Variants in LARP1B observed in about 807,000 individuals in gnomAD.
LARP1B encodes La ribonucleoprotein 1B.
Under a neutral mutation model 114.2 loss-of-function variants are expected in LARP1B, and 76 were observed. That is an observed-to-expected ratio of 0.67 (90% CI 0.55 to 0.81). The LOEUF (loss-of-function observed/expected upper bound fraction) is 0.81. LARP1B is among the 30% of genes least tolerant of loss of function. The pLI is 0.00. For missense variants in LARP1B, 1,014 were observed against 1,075.8 expected (o/e 0.94, Z 0.80); for synonymous variants, 345 against 348.0 (o/e 0.99, Z 0.10).
intron 17 of LARP1B, among the ~76,000 whole-genome samples, chr4:128,203,604 C>T (rs1285376359): frequency 6.6e-6 from 1 of 152,022 alleles, no homozygotes; most frequent in East Asian, 1.9e-4. Context: ...GAACACCTGA[C>T]CTCAAGTGAT....
At chr4:128,118,306 C>A (rs2149960749) in intron 10 of LARP1B, among the ~76,000 whole-genome samples, 1 of 148,106 alleles carries the variant, frequency 6.8e-6, no homozygotes, top group Non-Finnish European at 1.5e-5. Context: ...ATCTCGGCTC[C>A]CTGCAACCTT....
In LARP1B at chr4:128,182,663, A is replaced by G. The variant is rs182256168; in HGVS notation, c.2003+3151A>G. On this transcript the variant is annotated intron_variant, in intron 15 of 19. Transcript: ENST00000326639. ...ACAGTGGCCCCTAATTGTTCAAGTGAAATTAAGAGTCAAAATTCTTCAAAA... is the reference window on the plus strand; with the variant it reads ...ACAGTGGCCCCTAATTGTTCAAGTGGAATTAAGAGTCAAAATTCTTCAAAA... Among the ~76,000 whole-genome samples the G allele has an allele frequency of 1.0e-3, 155 of 152,272 alleles. 1 individual carries two copies. Among genetic ancestry groups the G allele is most frequent in the Admixed American group, 4.5e-3 (69 of 15,298 alleles).
rs145984567 is a variant in LARP1B at position 128,209,321 on chromosome 4, T to C, written c.2548-535T>C. Among the ~76,000 whole-genome samples the C allele has an allele frequency of 2.6e-5, 4 of 152,288 alleles. No homozygotes were observed. The East Asian group carries it at 7.7e-4, about 29-fold the overall frequency. On this transcript the variant is annotated intron_variant, in intron 19 of 19. Transcript: ENST00000326639. ...CTCTACTCCCAGCTACTTGGGAGGC[T>C]GAGGCAGGAGAATCGCTTGAACCCC...
chr4:128,138,036 A>G (rs578089129), intron 11 of LARP1B, among the ~76,000 whole-genome samples: 1 of 152,270 alleles, frequency 6.6e-6, no homozygotes, highest in East Asian at 1.9e-4. Context: ...TGAGGATTGA[A>G]CAACATAACA....
intron 4 of LARP1B, among the ~76,000 whole-genome samples, chr4:128,080,678 T>C (rs879826758): frequency 9.2e-5 from 14 of 152,236 alleles, no homozygotes; most frequent in Non-Finnish European, 1.8e-4. Context: ...CATGAATAGA[T>C]GATCTTCAGA....
At chr4:128,155,871 G>C in intron 11 of LARP1B, 1 of 1,560,310 alleles carries the variant, frequency 6.4e-7, no homozygotes, top group South Asian at 1.1e-5. Flanking sequence ...AGGAGCGCCT[G>C]GAGCTGGTGC....
At chr4:128,136,773 T>A (rs1308535162) in intron 11 of LARP1B, among the ~76,000 whole-genome samples, 2 of 152,198 alleles carry the variant, frequency 1.3e-5, no homozygotes, top group African/African-American at 4.8e-5. Context: ...TGTTAATTTT[T>A]AAATATTTTT....
rs914772498 is a variant in LARP1B, at chr4:128,107,546, T to A, written c.988+233T>A. Reference sequence around the variant, plus strand: ...TTATGTTTCTTGTTCTTAAATTATATGTGTACTTTGTCATGTATGGAGTTT... The same window carrying A: ...TTATGTTTCTTGTTCTTAAATTATAAGTGTACTTTGTCATGTATGGAGTTT... On this transcript the variant is annotated intron_variant, in intron 9 of 19. Transcript: ENST00000326639. 26 of 1,374,350 alleles carry A rather than the reference T, an allele frequency of 1.9e-5. No homozygotes were observed. The Admixed American group carries it at 7.4e-4, about 39-fold the overall frequency. 85.1% of individuals were successfully genotyped at this position (1,374,350 alleles called of 1,614,324 possible). A position where few individuals can be genotyped will look rare whatever the true frequency, so the allele number is the denominator to read the frequency against.
chr4:128,170,684 A>G (rs1300116722), intron 12 of LARP1B, among the ~76,000 whole-genome samples: 1 of 152,018 alleles, frequency 6.6e-6, no homozygotes, highest in Non-Finnish European at 1.5e-5. Flanking sequence ...ATCTTTTGCC[A>G]ACTTTTTACT....
At chr4:128,135,741 A>G (rs1793157428) in intron 11 of LARP1B, among the ~76,000 whole-genome samples, 1 of 152,190 alleles carries the variant, frequency 6.6e-6, no homozygotes, top group Non-Finnish European at 1.5e-5. Flanking sequence ...GAAACAAAGT[A>G]AGAAGGTAGT....
At chr4:128,122,526 C>G in intron 11 of LARP1B, 1 of 1,499,776 alleles carries the variant, frequency 6.7e-7, no homozygotes, top group Non-Finnish European at 8.8e-7. Flanking sequence ...AGAATAAAAA[C>G]AAGTTACTGT....
intron 11 of LARP1B, among the ~76,000 whole-genome samples, chr4:128,130,816 TA>T (rs1791320684): frequency 1.3e-5 from 2 of 152,216 alleles, no homozygotes; most frequent in South Asian, 4.1e-4. Context: ...CAAGCTGTGG[TA>T]CATTCAGACA....
At chr4:128,128,989 C>T (rs1185245120) in intron 11 of LARP1B, among the ~76,000 whole-genome samples, 3 of 151,556 alleles carry the variant, frequency 2.0e-5, no homozygotes, top group Admixed American at 6.6e-5. Flanking sequence ...ATGGTGAAAC[C>T]GCGTCTCTAT....
At chr4:128,073,594 TTTTTTTTTTTTTTTTG>T (rs1179657052) in intron 1 of LARP1B, among the ~76,000 whole-genome samples, 25 of 83,872 alleles carry the variant, frequency 3.0e-4, no homozygotes, top group Non-Finnish European at 4.2e-4. Context: ...TTTTTTTTTT[TTTTTTTTTTTTTTTTG>T]GACAGAGTCT....
intron 8 of LARP1B, among the ~76,000 whole-genome samples, chr4:128,102,689 T>C (rs1780722606): frequency 6.6e-6 from 1 of 152,210 alleles, no homozygotes; most frequent in South Asian, 2.1e-4. Flanking sequence ...GCTTTTTGTG[T>C]CTTCCATTTG....
At chr4:128,200,336 T>C (rs1755557253) in intron 16 of LARP1B, among the ~76,000 whole-genome samples, 185 bp from the exon 17 acceptor site, 2 of 152,180 alleles carry the variant, frequency 1.3e-5, no homozygotes, top group Admixed American at 6.5e-5. Context: ...CCCTCACATG[T>C]GCAGTTCACA....
Position 128,063,652 on chromosome 4 carries a change from G to A in LARP1B, c.-78+2251G>A, listed in dbSNP as rs1355935282. On this transcript the variant is annotated intron_variant, in intron 1 of 19. Coordinates refer to ENST00000326639, the MANE Select transcript of LARP1B (RefSeq NM_018078.4). ...AAATTAACCTGGCGTGGTGGCGCAT[G>A]CCTGTAATCCCGGCTACTGGGGAGG... Among the ~76,000 whole-genome samples, 3 of 150,774 alleles carry A rather than the reference G, an allele frequency of 2.0e-5. No individual in the cohort carries two copies. In the East Asian group the frequency reaches 5.9e-4, roughly 30 times the overall value.
chr4:128,122,509 G>T (rs545590903), intron 11 of LARP1B: 56 of 1,522,394 alleles, frequency 3.7e-5, no homozygotes, highest in Non-Finnish European at 4.8e-5. Flanking sequence ...GCCCTTTCTC[G>T]TATGAAAGAA....
chr4:128,192,053 G>C (rs1418478812), intron 15 of LARP1B, among the ~76,000 whole-genome samples: 1 of 152,238 alleles, frequency 6.6e-6, no homozygotes, highest in South Asian at 2.1e-4. Context: ...CTGATGATAA[G>C]CTTTGTGCTA....
Sources: allele counts gnomAD v4.1 joint callset (sites outside exome capture counted in the v4.1 genomes callset), GRCh38; gene constraint gnomAD v4.1.1; transcripts MANE v1.5; gene names NCBI Gene and HGNC (gene_info 2026-07-23, HGNC 2026-07-21).